The following F5 variants were observed in gnomAD, a reference collection of about 807,000 sequenced individuals.
The protein encoded by F5 is activated protein c cofactor.
F5 carries 138 observed loss-of-function variants against 216.4 expected under a neutral mutation model. The observed-to-expected ratio is 0.64, with a 90% CI of 0.56 to 0.73. The LOEUF (loss-of-function observed/expected upper bound fraction) is 0.73. F5 is among the 30% of genes least tolerant of loss of function. The pLI, the probability that F5 is intolerant of heterozygous loss-of-function variation, is 0.00. For synonymous variants in F5, 916 were observed against 930.7 expected, an observed-to-expected ratio of 0.98 and a Z score of 0.29; for missense variants, 2,403 against 2,674.0, an observed-to-expected ratio of 0.90 and a Z score of 2.24.
Position 169,560,696 on chromosome 1 carries a change from G to T in F5, c.444C>A (p.Tyr148Ter). ...CCTCACTGATACTCCATTCATAGGT[G>T]TATTCTCGGCCTGGAGCCACAGCGT... Reference protein sequence around the residue: ...MDDAVAPGREYTYEWSISEDS... With the variant: ...MDDAVAPGRE Residue 148 changes from tyrosine to a stop codon, truncating the protein, a stop_gained, in exon 4 of 25, where the codon TAC becomes TAA. Transcript: ENST00000367797. LOFTEE classifies it high-confidence loss of function. The T allele has an allele frequency of 6.2e-7, 1 of 1,613,750 alleles. No homozygotes were observed. The highest frequency in any genetic ancestry group is 8.5e-7 in the Non-Finnish European group (1 of 1,179,800).
intron 4 of F5, among the ~76,000 whole-genome samples, chr1:169,560,344 G>A (rs1660443446): frequency 6.6e-6 from 1 of 152,108 alleles, no homozygotes; most frequent in South Asian, 2.1e-4. Flanking sequence ...GGACTGAGAT[G>A]AAGGAGGAAT....
chr1:169,561,628 C>T (rs2101833706), intron 3 of F5, among the ~76,000 whole-genome samples: 1 of 152,216 alleles, frequency 6.6e-6, no homozygotes, highest in Non-Finnish European at 1.5e-5. Context: ...GTTTCCTCTG[C>T]CTGAGGAATT....
chr1:169,570,247 A>T (rs768504470), intron 3 of F5, among the ~76,000 whole-genome samples: 3 of 152,212 alleles, frequency 2.0e-5, no homozygotes, highest in East Asian at 1.9e-4. Context: ...AGGAAGAGGG[A>T]TAGTGTTGCA....
intron 3 of F5, 85 bp downstream of exon 3, chr1:169,572,136 G>T: frequency 7.2e-7 from 1 of 1,388,542 alleles, no homozygotes; most frequent in Non-Finnish European, 1.0e-6. Context: ...ACAACACGTG[G>T]TTAACAGTAT....
At chr1:169,516,988 G>T (rs1267426337) in intron 23 of F5, among the ~76,000 whole-genome samples, 1 of 152,098 alleles carries the variant, frequency 6.6e-6, no homozygotes, top group Non-Finnish European at 1.5e-5. Flanking sequence ...GTTATACCAT[G>T]AACAAGTCTA....
At position 169,518,425 on chromosome 1, in the gene F5, G is replaced by C; in HGVS notation, c.6332C>G (p.Ala2111Gly). 1 of 1,613,644 alleles carries C rather than the reference G, an allele frequency of 6.2e-7. No individual in the cohort carries two copies. The highest frequency in any genetic ancestry group is 8.5e-7 in the Non-Finnish European group (1 of 1,179,714). Reference sequence around the variant, plus strand: ...AGTATACTTGACCTTGGCTTGCCAGGCATTCACACGTCCCTGGGCATTCAG... The same window carrying C: ...AGTATACTTGACCTTGGCTTGCCAGCCATTCACACGTCCCTGGGCATTCAG... ...ARLNAQGRVNAWQAKANNNKQ... is the reference protein window; with the variant it reads ...ARLNAQGRVNGWQAKANNNKQ... The change falls in exon 23 of 25, where the codon GCC (alanine) becomes GGC (glycine). Residue 2111 changes from alanine (A) to glycine (G), a missense_variant. Transcript: ENST00000367797.
Position 169,552,593 on chromosome 1 carries a change from A to G in F5, c.1260T>C (p.Gly420=), listed in dbSNP as rs1660198538. 1 of 1,613,660 alleles carries G rather than the reference A, an allele frequency of 6.2e-7. No individual in the cohort carries two copies. Among genetic ancestry groups the G allele is most frequent in the African/African-American group, 1.3e-5 (1 of 74,894 alleles). Residue 420 remains glycine, a synonymous_variant, in exon 8 of 25, where the codon GGT becomes GGC. Transcript: ENST00000367797. ...NPNMKEDGIL[G]PIIRAQVRDT... ...CTCTGACCTGGGCTCTGATAATAGGACCCAAAATCCCATCTTCTTTCATAT... is the reference window on the plus strand; with the variant it reads ...CTCTGACCTGGGCTCTGATAATAGGGCCCAAAATCCCATCTTCTTTCATAT...
intron 14 of F5, among the ~76,000 whole-genome samples, chr1:169,532,462 A>G (rs12040141): frequency 0.084 from 12,747 of 152,286 alleles, 1,635 homozygotes; most frequent in East Asian, 0.63. Flanking sequence ...ACTCCATGAA[A>G]AGGCTCCAGG....
chr1:169,518,396 A>T lies in F5; in HGVS notation c.6345+16T>A, dbSNP rs761745537. On this transcript the variant is annotated intron_variant, in intron 23 of 24. Transcript: ENST00000367797. ...CTGGAGCCCTAAGAGAACACCATGC[A>T]TAGAGTATACTTGACCTTGGCTTGC... 6.2e-7 allele frequency: 1 copy of T among 1,613,330 alleles called. No individual in the cohort carries two copies. Among genetic ancestry groups the T allele is most frequent in the Non-Finnish European group, 8.5e-7 (1 of 1,179,600 alleles).
intron 3 of F5, among the ~76,000 whole-genome samples, chr1:169,566,727 T>G (rs1260376234): frequency 6.6e-6 from 1 of 152,052 alleles, no homozygotes; most frequent in Non-Finnish European, 1.5e-5. Flanking sequence ...ATCCTTTTTC[T>G]AGAGATAACT....
chr1:169,584,155 C>G (rs1218279913), intron 1 of F5, among the ~76,000 whole-genome samples: 2 of 152,168 alleles, frequency 1.3e-5, no homozygotes, highest in Non-Finnish European at 2.9e-5. Context: ...TAAAAAATAT[C>G]AGTCTCTTAC....
At chr1:169,580,220 C>T (rs1660957367) in intron 2 of F5, among the ~76,000 whole-genome samples, 1 of 152,126 alleles carries the variant, frequency 6.6e-6, no homozygotes. Flanking sequence ...ACTACAGAAT[C>T]CTCATCATAG....
chr1:169,540,480 T>C lies in F5; in HGVS notation c.4610A>G (p.Asp1537Gly). ...GGGCACATAATCAATTTCAGCATAG[T>C]CATCTTCACTGCTCTGGACCTCTTC... Reference protein sequence around the residue: ...PKEEVQSSEDDYAEIDYVPYD... With the variant: ...PKEEVQSSEDGYAEIDYVPYD... The change falls in exon 13 of 25, where the codon GAC becomes GGC. Residue 1537 changes from aspartate to glycine, a missense_variant. Physicochemically the swap from Asp to Gly is moderately conservative, Grantham distance 94. Transcript: ENST00000367797. The C allele has an allele frequency of 6.2e-7, 1 of 1,614,024 alleles. No individual in the cohort carries two copies. Among genetic ancestry groups the C allele is most frequent in the Non-Finnish European group, 8.5e-7 (1 of 1,179,962 alleles).
intron 14 of F5, 54 bp from the exon 15 acceptor site, chr1:169,531,076 A>C: frequency 7.4e-7 from 1 of 1,352,362 alleles, no homozygotes; most frequent in Non-Finnish European, 1.1e-6. Context: ...AATCTAAACC[A>C]CAAAAATGTC....
At chr1:169,520,769 G>A in intron 21 of F5, 105 bp from the exon 22 acceptor site, 1 of 933,612 alleles carries the variant, frequency 1.1e-6, no homozygotes, top group Non-Finnish European at 1.7e-6. Flanking sequence ...TTTTCATGGG[G>A]TCCAAACTAA....
chr1:169,574,979 A>G (rs1485817936), intron 2 of F5, among the ~76,000 whole-genome samples: 1 of 152,220 alleles, frequency 6.6e-6, no homozygotes, highest in African/African-American at 2.4e-5. Flanking sequence ...ACATTTTTAT[A>G]GTTCTATAAC....
intron 13 of F5, among the ~76,000 whole-genome samples, chr1:169,539,924 G>C (rs758141508): frequency 3.9e-5 from 6 of 152,170 alleles, no homozygotes; most frequent in Non-Finnish European, 8.8e-5. Context: ...CATCATATTT[G>C]AGTTTGGATT....
At position 169,536,506 on chromosome 1, in the gene F5, T is replaced by C; in HGVS notation, c.4971A>G (p.Gln1657=). Reference sequence around the variant, plus strand: ...TCTTAGCAGTGCTCAAAAGACTTACTTGGATAACATCATCCACTTCAGCTC... The same window carrying C: ...TCTTAGCAGTGCTCAAAAGACTTACCTGGATAACATCATCCACTTCAGCTC... ...IIRAEVDDVI[Q]VRFKNLASRP... The change falls in exon 14 of 25, where the codon CAA becomes CAG. Residue 1657 remains glutamine (Q), a splice_region_variant and synonymous_variant. Transcript: ENST00000367797. 6.2e-7 allele frequency: 1 copy of C among 1,612,788 alleles called. No individual in the cohort carries two copies. The highest frequency in any genetic ancestry group is 8.5e-7 in the Non-Finnish European group (1 of 1,179,044).
chr1:169,542,149 C>T lies in F5; in HGVS notation c.2941G>A (p.Ala981Thr), dbSNP rs781281555. 6 of 1,614,058 alleles carry T rather than the reference C, an allele frequency of 3.7e-6. No homozygotes were observed. The highest frequency in any genetic ancestry group is 1.7e-4 in the Middle Eastern group (1 of 6,060). The change falls in exon 13 of 25, where the codon GCT becomes ACT. Residue 981 changes from alanine to threonine, a missense_variant. Around this residue, in one of 4 missense-constraint regions of F5, gnomAD observed 1,425 missense variants for 1,554.8 expected, o/e 0.92. Transcript: ENST00000367797. ...GCAAGAGGGGTGCTTTCTCCCCAAG[C>T]ACGTGAGGCATTCTGGGGGCTGATC... is the stretch of plus-strand genomic sequence containing the variant. Reference protein sequence around the residue: ...WLISPQNASRAWGESTPLANK... With the variant: ...WLISPQNASRTWGESTPLANK...
Sources: allele counts gnomAD v4.1 joint callset (sites outside exome capture counted in the v4.1 genomes callset), GRCh38; gene constraint gnomAD v4.1.1; regional missense constraint gnomAD v4.1.1; transcripts MANE v1.5; gene names NCBI Gene and HGNC (gene_info 2026-07-23, HGNC 2026-07-21).